The following RIMS2 variants were observed in gnomAD, a reference collection of about 807,000 sequenced individuals.
The protein encoded by RIMS2 is regulating synaptic membrane exocytosis protein 2.
A neutral mutation model predicts 174.4 loss-of-function variants in RIMS2; 59 were observed. The observed-to-expected ratio is 0.34, with a 90% CI of 0.27 to 0.42. The LOEUF is 0.42. RIMS2 is among the 10% of genes least tolerant of loss of function. RIMS2 has a pLI of 1.00. For missense variants in RIMS2, 1,620 were observed against 1,666.3 expected (o/e 0.97, Z 0.48); for synonymous variants, 606 against 572.5 (o/e 1.06, Z -0.84).
intron 19 of RIMS2, among the ~76,000 whole-genome samples, chr8:104,181,180 T>G (rs2135937750): frequency 6.6e-6 from 1 of 151,754 alleles, no homozygotes; most frequent in Non-Finnish European, 1.5e-5. Context: ...AATAGGTGAC[T>G]TTTTCCTGAC....
chr8:103,993,592 A>G (rs960364366), intron 17 of RIMS2, among the ~76,000 whole-genome samples: 2 of 152,220 alleles, frequency 1.3e-5, no homozygotes, highest in African/African-American at 4.8e-5. Context: ...GAAGTAAATG[A>G]AAAAAGAAAA....
intron 1 of RIMS2, among the ~76,000 whole-genome samples, chr8:103,610,905 C>G (rs1407218123): frequency 6.6e-6 from 1 of 152,134 alleles, no homozygotes; most frequent in African/African-American, 2.4e-5. Context: ...ATGGTATCAA[C>G]TCTTTTCTAT....
intron 1 of RIMS2, among the ~76,000 whole-genome samples, chr8:103,508,302 A>G (rs1157303905): frequency 6.6e-6 from 1 of 152,066 alleles, no homozygotes; most frequent in Non-Finnish European, 1.5e-5. Flanking sequence ...TGTATCATGG[A>G]TATATTTTAC....
At chr8:103,906,546 T>A (rs73293861) in intron 4 of RIMS2, among the ~76,000 whole-genome samples, 1 of 152,170 alleles carries the variant, frequency 6.6e-6, no homozygotes, top group Non-Finnish European at 1.5e-5. Context: ...GCACCCAGCA[T>A]ATATGACAGG....
At chr8:104,178,541 A>G (rs1358776630) in intron 19 of RIMS2, among the ~76,000 whole-genome samples, 2 of 152,136 alleles carry the variant, frequency 1.3e-5, no homozygotes, top group Admixed American at 6.5e-5. Flanking sequence ...ATAATCTAGG[A>G]CAAGCTCCCA....
intron 19 of RIMS2, among the ~76,000 whole-genome samples, chr8:104,070,005 T>G (rs1324707371): frequency 6.6e-6 from 1 of 152,184 alleles, no homozygotes; most frequent in Non-Finnish European, 1.5e-5. Context: ...AGAAAAGCAA[T>G]CTGGATTTTT....
intron 1 of RIMS2, among the ~76,000 whole-genome samples, chr8:103,636,803 C>CCCCCCCCG (rs1322508776): frequency 5.4e-5 from 4 of 74,200 alleles, no homozygotes; most frequent in South Asian, 4.1e-4. Flanking sequence ...CCCCCCCCCA[C>CCCCCCCCG]ACACACACAC....
At chr8:104,116,299 A>G (rs2098277087) in intron 19 of RIMS2, among the ~76,000 whole-genome samples, 1 of 152,214 alleles carries the variant, frequency 6.6e-6, no homozygotes, top group African/African-American at 2.4e-5. Flanking sequence ...GTAGAATACT[A>G]TTAATCCATG....
chr8:103,773,154 C>A (rs1041199709), intron 3 of RIMS2, among the ~76,000 whole-genome samples: 2 of 140,904 alleles, frequency 1.4e-5, no homozygotes, highest in Non-Finnish European at 3.3e-5. Context: ...AAAAAAAAAT[C>A]CACAACAAAT....
chr8:104,170,035 T>C (rs1415911318), intron 19 of RIMS2, among the ~76,000 whole-genome samples: 1 of 152,110 alleles, frequency 6.6e-6, no homozygotes, highest in East Asian at 1.9e-4. Context: ...AGATACTTGA[T>C]ATGATTTCAA....
Position 104,197,785 on chromosome 8 carries a change from G to A in RIMS2, c.3335-47131G>A, listed in dbSNP as rs530207677. ...AAGGGGGGTATAGGTGGATGGAAAA[G>A]GAGAATTTTTTGCAGGTGTGGATTT... On this transcript the variant is annotated intron_variant, in intron 19 of 23. Transcript: ENST00000504942. Among the ~76,000 whole-genome samples, 5 of 152,054 alleles carry A rather than the reference G, an allele frequency of 3.3e-5. 1 individual carries two copies. Among genetic ancestry groups the A allele is most frequent in the African/African-American group, 9.6e-5 (4 of 41,500 alleles).
chr8:103,675,750 A>G (rs767720896), intron 1 of RIMS2, among the ~76,000 whole-genome samples: 2 of 152,100 alleles, frequency 1.3e-5, no homozygotes, highest in South Asian at 4.1e-4. Context: ...TTTTTTTACA[A>G]AGTATCAGCA....
At chr8:104,166,724 A>G (rs1566793672) in intron 19 of RIMS2, among the ~76,000 whole-genome samples, 2 of 151,532 alleles carry the variant, frequency 1.3e-5, no homozygotes, top group African/African-American at 4.8e-5. Context: ...ACAGTTTTAT[A>G]TTTATAACTG....
intron 1 of RIMS2, among the ~76,000 whole-genome samples, chr8:103,591,966 A>G (rs1588469424): frequency 6.6e-6 from 1 of 151,380 alleles, no homozygotes; most frequent in East Asian, 1.9e-4. Context: ...TTGGGATTGC[A>G]TTGAATCTTT....
chr8:103,844,147 T>A (rs1382113986), intron 3 of RIMS2, among the ~76,000 whole-genome samples: 3 of 152,220 alleles, frequency 2.0e-5, no homozygotes, highest in African/African-American at 7.2e-5. Flanking sequence ...GTGTTCTCCA[T>A]TAAACCTCTT....
intron 2 of RIMS2, among the ~76,000 whole-genome samples, chr8:103,702,368 C>A (rs1245533253): frequency 6.6e-6 from 1 of 151,792 alleles, no homozygotes; most frequent in Non-Finnish European, 1.5e-5. Context: ...TAAATATTTT[C>A]TTTCATTGTG....
chr8:103,554,215 C>T (rs1849390036), intron 1 of RIMS2, among the ~76,000 whole-genome samples: 1 of 152,058 alleles, frequency 6.6e-6, no homozygotes, highest in Non-Finnish European at 1.5e-5. Flanking sequence ...TAAAGTACTT[C>T]TGCATAGCAA....
intron 3 of RIMS2, among the ~76,000 whole-genome samples, chr8:103,873,316 A>G (rs945590206): frequency 1.3e-5 from 2 of 152,122 alleles, no homozygotes; most frequent in Non-Finnish European, 2.9e-5. Context: ...CACAAGTTTT[A>G]TAGAAACAGG....
intron 19 of RIMS2, chr8:104,094,341 A>G (rs1185974799): frequency 3.7e-6 from 2 of 533,822 alleles, no homozygotes. Flanking sequence ...TAAGTTTTCA[A>G]CATTTAAAAG....
Sources: allele counts gnomAD v4.1 joint callset (sites outside exome capture counted in the v4.1 genomes callset), GRCh38; gene constraint gnomAD v4.1.1; transcripts MANE v1.5; gene names NCBI Gene and HGNC (gene_info 2026-07-23, HGNC 2026-07-21).